Variants in ARHGEF7 observed in about 807,000 individuals in gnomAD.
ARHGEF7 encodes PAK-interacting exchange factor beta.
ARHGEF7 carries 33 observed loss-of-function variants against 109.8 expected under a neutral mutation model. The ratio of observed to expected loss-of-function variants is 0.30; its 90% confidence interval spans 0.23 to 0.40. The LOEUF (loss-of-function observed/expected upper bound fraction) is 0.40, where lower values mean the gene tolerates loss of function less well. Ranked by LOEUF, ARHGEF7 falls within the 10% of genes least tolerant of loss-of-function variation. The pLI is 1.00. For missense variants in ARHGEF7, 938 were observed against 1,098.5 expected (o/e 0.85, Z 2.07); for synonymous variants, 458 against 424.6 (o/e 1.08, Z -0.97).
chr13:111,285,951 C>T (rs2093001794), intron 16 of ARHGEF7, among the ~76,000 whole-genome samples, 196 bp from the exon 17 acceptor site: 1 of 152,002 alleles, frequency 6.6e-6, no homozygotes, highest in Non-Finnish European at 1.5e-5. Context: ...ATGACTAATA[C>T]TGAAAATGCC....
At chr13:111,293,071 A>C (rs758488481) in intron 19 of ARHGEF7, 7 of 985,422 alleles carry the variant, frequency 7.1e-6, no homozygotes, top group African/African-American at 1.7e-5. Flanking sequence ...CCTGAATTGC[A>C]GTGATTTCTG....
chr13:111,270,417 C>CTT (rs113405116), intron 9 of ARHGEF7, among the ~76,000 whole-genome samples: 1 of 145,586 alleles, frequency 6.9e-6, no homozygotes, highest in African/African-American at 2.5e-5. Flanking sequence ...TATGGCACTA[C>CTT]TTTTTTTTTT....
chr13:111,249,929 C>T (rs1435539000), intron 8 of ARHGEF7, among the ~76,000 whole-genome samples: 1 of 152,338 alleles, frequency 6.6e-6, no homozygotes, highest in African/African-American at 2.4e-5. Flanking sequence ...TTCCCACTGG[C>T]ATAGTGAGTT....
In ARHGEF7 at chr13:111,253,006, C is replaced by CCCAGGG. The variant is rs1318676620; in HGVS notation, c.950+8718_950+8723dup. Among the ~76,000 whole-genome samples the CCCAGGG allele has an allele frequency of 3.5e-4, 54 of 152,396 alleles. 1 individual carries two copies. The highest frequency in any genetic ancestry group is 6.2e-4 in the South Asian group (3 of 4,832). ...AGCCCCCAGCCAGTTAGGTTCCTCT[C>CCCAGGG]CCAGGGCCAGGCCCAGCAGCAGCTG... On this transcript the variant is annotated intron_variant, in intron 8 of 21. Transcript: ENST00000646102.
At position 111,295,378 on chromosome 13, in the gene ARHGEF7, G is replaced by A. The variant is rs149449374; in HGVS notation, c.2311+3084G>A. On this transcript the variant is annotated intron_variant, in intron 19 of 21. Transcript: ENST00000646102. ...AGATTAGCCGTGTTCTGGACAAGAC[G>A]AAGTCACTCCTTGTACATTTCTTAT... 1.5e-4 allele frequency among the ~76,000 whole-genome samples: 23 copies of A among 152,266 alleles called. No individual in the cohort carries two copies. The East Asian group carries it at 1.7e-3, about 12-fold the overall frequency.
At position 111,216,163 on chromosome 13, in the gene ARHGEF7, T is replaced by C. The variant is rs1180104804; in HGVS notation, c.469-1516T>C. Among the ~76,000 whole-genome samples, 6 of 152,214 alleles carry C rather than the reference T, an allele frequency of 3.9e-5. No homozygotes were observed. The South Asian group carries it at 1.2e-3, about 32-fold the overall frequency. On this transcript the variant is annotated intron_variant, in intron 4 of 21. Coordinates refer to ENST00000646102, the MANE Select transcript of ARHGEF7 (RefSeq NM_001354046.2). ...GTCAAATTTGGGATATTCTGAGCCA[T>C]ATTTTCTTACCCTGCTTTTCAGCTC...
intron 2 of ARHGEF7, among the ~76,000 whole-genome samples, chr13:111,174,308 C>T (rs1247960353): frequency 1.3e-5 from 2 of 152,182 alleles, no homozygotes; most frequent in East Asian, 3.8e-4. Flanking sequence ...TTAAAATGTC[C>T]AGACGGCAGT....
intron 18 of ARHGEF7, 34 bp downstream of exon 18, chr13:111,288,477 G>A: frequency 1.3e-6 from 2 of 1,538,142 alleles, no homozygotes; most frequent in Non-Finnish European, 1.8e-6. Flanking sequence ...GAAGTGTGGT[G>A]GTTTATTCTG....
intron 5 of ARHGEF7, among the ~76,000 whole-genome samples, chr13:111,221,216 T>G (rs184774325): frequency 2.3e-5 from 1 of 44,226 alleles, no homozygotes; most frequent in Non-Finnish European, 4.6e-5. Flanking sequence ...GATATATATG[T>G]CTATATATAT....
intron 2 of ARHGEF7, among the ~76,000 whole-genome samples, chr13:111,193,189 CTGTCA>C (rs1006336367): frequency 6.6e-6 from 1 of 152,206 alleles, no homozygotes; most frequent in Non-Finnish European, 1.5e-5. Context: ...TTTCCTCCTT[CTGTCA>C]TTAACCACCC....
intron 1 of ARHGEF7, among the ~76,000 whole-genome samples, chr13:111,130,493 G>A (rs889467116): frequency 4.6e-5 from 7 of 152,128 alleles, no homozygotes; most frequent in Admixed American, 2.6e-4. Flanking sequence ...ATTTTAATGT[G>A]CAATGGTAAA....
chr13:111,287,319 C>T (rs1661931184), intron 17 of ARHGEF7, among the ~76,000 whole-genome samples: 1 of 152,142 alleles, frequency 6.6e-6, no homozygotes, highest in Non-Finnish European at 1.5e-5. Flanking sequence ...CTGGCTGTGC[C>T]GGGGCTTCTC....
chr13:111,189,682 C>T (rs2079645767), intron 2 of ARHGEF7, among the ~76,000 whole-genome samples: 1 of 152,196 alleles, frequency 6.6e-6, no homozygotes, highest in South Asian at 2.1e-4. Context: ...CTTATTTGGC[C>T]TCGGCCACAT....
chr13:111,244,388 A>G (rs2088391245), intron 8 of ARHGEF7, 94 bp downstream of exon 8: 1 of 763,302 alleles, frequency 1.3e-6, no homozygotes, highest in Non-Finnish European at 2.1e-6. Flanking sequence ...CACATTTCTA[A>G]AGATGCAAAC....
chr13:111,211,867 A>G (rs993236692), intron 4 of ARHGEF7, among the ~76,000 whole-genome samples: 2 of 152,232 alleles, frequency 1.3e-5, no homozygotes, highest in Non-Finnish European at 2.9e-5. Flanking sequence ...TTCCATGATA[A>G]AAAGTTAAGC....
At chr13:111,221,531 ATCTATATATAGATACATATCTATATATC>A (rs2084302815) in intron 5 of ARHGEF7, among the ~76,000 whole-genome samples, 1 of 31,912 alleles carries the variant, frequency 3.1e-5, no homozygotes, top group Non-Finnish European at 6.0e-5. Context: ...ATCTATATAT[ATCTATATATAGATACATATCTATATATC>A]TATATATATA....
intron 5 of ARHGEF7, among the ~76,000 whole-genome samples, chr13:111,221,217 CTATATATATCT>C (rs2083870570): frequency 2.5e-5 from 1 of 40,066 alleles, no homozygotes; most frequent in Admixed American, 2.8e-4. Flanking sequence ...ATATATATGT[CTATATATATCT>C]ATATAGATAT....
rs539523748 is a variant in ARHGEF7 at position 111,305,186 on chromosome 13, G to T, written c.*2073G>T. On this transcript the variant is annotated 3_prime_UTR_variant, in exon 22 of 22. Transcript: ENST00000646102. ...CATGAGGGCCTCATGTTACGGCATT[G>T]CCTTTTCTTTCTGTGGATCCAGTAT... The T allele has an allele frequency of 2.0e-5, 3 of 152,334 alleles. No homozygotes were observed. The South Asian group carries it at 6.2e-4, about 32-fold the overall frequency. The allele number at this position is 152,334 out of a possible 1,614,324, so 9.4% of individuals were successfully genotyped here. A position where few individuals can be genotyped will look rare whatever the true frequency, so the allele number is the denominator to read the frequency against.
At chr13:111,288,324 G>A (rs772571228) in intron 17 of ARHGEF7, 30 bp from the exon 18 acceptor site, 3 of 1,562,184 alleles carry the variant, frequency 1.9e-6, no homozygotes, top group East Asian at 2.2e-5. Context: ...CTTTCAGTTC[G>A]ACTGTGAACT....
Sources: allele counts gnomAD v4.1 joint callset (sites outside exome capture counted in the v4.1 genomes callset), GRCh38; gene constraint gnomAD v4.1.1; transcripts MANE v1.5; gene names NCBI Gene and HGNC (gene_info 2026-07-23, HGNC 2026-07-21).